Variants in G6PC2 observed in about 807,000 individuals in gnomAD.
The protein encoded by G6PC2 is glucose-6-phosphatase catalytic subunit 2, also known as glucose-6-phosphatase 2.
G6PC2 carries 41 observed loss-of-function variants against 35.4 expected under a neutral mutation model. The observed-to-expected ratio is 1.16, with a 90% CI of 0.90 to 1.50. The LOEUF (loss-of-function observed/expected upper bound fraction) is 1.50. G6PC2 is among the 40% of genes most tolerant of loss of function. G6PC2 has a pLI of 0.00. For synonymous variants in G6PC2, 165 were observed against 153.2 expected (o/e 1.08, Z -0.57); for missense variants, 441 against 426.5 (o/e 1.03, Z -0.30).
At chr2:168,903,601 GACA>G (rs1690648238) in intron 2 of G6PC2, among the ~76,000 whole-genome samples, 1 of 151,916 alleles carries the variant, frequency 6.6e-6, no homozygotes, top group African/African-American at 2.4e-5. Flanking sequence ...CACCTTATAA[GACA>G]TTTTCTGGAA....
chr2:168,901,683 C>A, intron 1 of G6PC2, 134 bp downstream of exon 1: 1 of 657,836 alleles, frequency 1.5e-6, no homozygotes, highest in East Asian at 2.7e-5. Flanking sequence ...ACTTGAAACA[C>A]CAGATTCATA....
intron 1 of G6PC2, 134 bp downstream of exon 1, chr2:168,901,683 C>T (rs1421059360): frequency 6.1e-6 from 4 of 657,758 alleles, no homozygotes; most frequent in African/African-American, 1.8e-5. Context: ...ACTTGAAACA[C>T]CAGATTCATA....
At chr2:168,905,406 A>G (rs1360377129) in intron 3 of G6PC2, among the ~76,000 whole-genome samples, 1 of 152,204 alleles carries the variant, frequency 6.6e-6, no homozygotes, top group East Asian at 1.9e-4. Flanking sequence ...GTCAAGATCT[A>G]TCACATATTC....
rs1026774674 is a variant in G6PC2 at position 168,906,534 on chromosome 2, A to G, written c.441-130A>G. 12 of 693,716 alleles carry G rather than the reference A, an allele frequency of 1.7e-5. No homozygotes were observed. In the Admixed American group the frequency reaches 2.6e-4, roughly 15 times the overall value. 43.0% of individuals were successfully genotyped at this position (693,716 alleles called of 1,614,324 possible). On this transcript the variant is annotated intron_variant, in intron 3 of 4. Transcript: ENST00000375363. ...TGGAAACAACATTTTGAAAAAAAAG[A>G]TTCTAGAATCATGATGCTATGTCAC...
At chr2:168,902,906 C>T (rs963444532) in intron 2 of G6PC2, 1 of 320,026 alleles carries the variant, frequency 3.1e-6, no homozygotes, top group Non-Finnish European at 5.9e-6. Flanking sequence ...GTTGGTTAAT[C>T]TGCTGCTAAG....
chr2:168,907,747 C>A lies in G6PC2; in HGVS notation c.736C>A (p.Pro246Thr). The A allele has an allele frequency of 3.7e-6, 6 of 1,614,068 alleles. No homozygotes were observed. The highest frequency in any genetic ancestry group is 5.1e-6 in the Non-Finnish European group (6 of 1,179,966). Residue 246 changes from proline to threonine, a missense_variant, in exon 5 of 5, where the codon CCC becomes ACC. Coordinates refer to ENST00000375363, the MANE Select transcript of G6PC2 (RefSeq NM_021176.3). Reference protein sequence around the residue: ...VPIAKKWCANPDWIHIDTTPF... With the variant: ...VPIAKKWCANTDWIHIDTTPF... ...CATAGCCAAAAAGTGGTGTGCTAAC[C>A]CCGACTGGATCCACATTGACACCAC...
intron 2 of G6PC2, among the ~76,000 whole-genome samples, chr2:168,903,911 A>G (rs1296234231): frequency 2.0e-5 from 3 of 152,106 alleles, no homozygotes; most frequent in African/African-American, 7.2e-5. Flanking sequence ...TCTGTTTTAA[A>G]ACAAAGATTC....
intron 1 of G6PC2, among the ~76,000 whole-genome samples, 198 bp from the exon 2 acceptor site, chr2:168,902,247 C>T (rs376750681): frequency 8.5e-5 from 13 of 152,224 alleles, no homozygotes; most frequent in Admixed American, 3.3e-4. Flanking sequence ...AACCAGGGTG[C>T]CAAAATACCA....
At chr2:168,904,017 T>G (rs551682068) in intron 2 of G6PC2, among the ~76,000 whole-genome samples, 1 of 152,196 alleles carries the variant, frequency 6.6e-6, no homozygotes, top group South Asian at 2.1e-4. Flanking sequence ...AGCAATGATA[T>G]CCTTTAGAGT....
chr2:168,902,313 T>A (rs369788060), intron 1 of G6PC2, 132 bp from the exon 2 acceptor site: 1 of 644,586 alleles, frequency 1.6e-6, no homozygotes, highest in East Asian at 2.7e-5. Context: ...TTTTTCAAAG[T>A]CTCTTAATCA....
chr2:168,907,859 G>A lies in G6PC2; in HGVS notation c.848G>A (p.Arg283Gln), dbSNP rs781489778. The A allele has an allele frequency of 9.3e-6, 15 of 1,613,826 alleles. No homozygotes were observed. Among genetic ancestry groups the A allele is most frequent in the East Asian group, 8.9e-5 (4 of 44,878 alleles). ...INSEMFLLSCRGGNNYTLSFR... is the reference protein window; with the variant it reads ...INSEMFLLSCQGGNNYTLSFR... ...TCAGAGATGTTCCTCCTGAGCTGCC[G>A]AGGGGGAAATAACTACACACTGAGC... The change falls in exon 5 of 5, where the codon CGA becomes CAA. Residue 283 changes from arginine (R) to glutamine (Q), a missense_variant. Transcript: ENST00000375363.
rs1690795672 is a variant in G6PC2 at position 168,909,188 on chromosome 2, C to A, written c.*1109C>A. 6.6e-6 allele frequency: 1 copy of A among 152,066 alleles called. No individual in the cohort carries two copies. Among genetic ancestry groups the A allele is most frequent in the East Asian group, 1.9e-4 (1 of 5,192 alleles). The allele number at this position is 152,066 out of a possible 1,614,324, so 9.4% of individuals were successfully genotyped here. On this transcript the variant is annotated 3_prime_UTR_variant, in exon 5 of 5. Transcript: ENST00000375363. ...CATACATGCAGGGTCTAGGTGGGAC[C>A]AACAGTGGCTCCAGATGTATATACA...
Position 168,901,432 on chromosome 2 carries a change from ACC to A in G6PC2, c.104_105del (p.Pro35GlnfsTer15), listed in dbSNP as rs776242682. 6.3e-7 allele frequency: 1 copy of A among 1,594,218 alleles called. No individual in the cohort carries two copies. The highest frequency in any genetic ancestry group is 1.3e-5 in the African/African-American group (1 of 74,646). On this transcript the variant is annotated frameshift_variant, in exon 1 of 5. Coordinates refer to ENST00000375363, the MANE Select transcript of G6PC2 (RefSeq NM_021176.3). LOFTEE classifies it high-confidence loss of function. ...CTAAATTTTATGTCCAATGTTGGAG[ACC>A]CCAGGAATATCTTTTTCATTTATTT... is the stretch of plus-strand genomic sequence containing the variant.
Position 168,901,563 on chromosome 2 carries a change from T to C in G6PC2, c.218+14T>C. The C allele has an allele frequency of 7.9e-7, 1 of 1,259,602 alleles. No homozygotes were observed. The highest frequency in any genetic ancestry group is 1.2e-6 in the Non-Finnish European group (1 of 861,094). 78.0% of individuals were successfully genotyped at this position (1,259,602 alleles called of 1,614,324 possible). ...TATATTTAAATGGTAAGATTTCTGT[T>C]TTATTTCATTTTTTCCTAAGATTTA... On this transcript the variant is annotated intron_variant, in intron 1 of 4. Transcript: ENST00000375363.
In G6PC2 at chr2:168,908,000, C is replaced by G; in HGVS notation, c.989C>G (p.Ser330Cys). Residue 330 changes from serine (S) to cysteine (C), a missense_variant, in exon 5 of 5, where the codon TCC becomes TGC. Ser to Cys is a moderately radical substitution (Grantham distance 112). Transcript: ENST00000375363. Reference protein sequence around the residue: ...FYVLSFCKSASIPLTVVAFIP... With the variant: ...FYVLSFCKSACIPLTVVAFIP... ...GTGCTGTCTTTTTGTAAAAGTGCAT[C>G]CATTCCCCTAACTGTGGTTGCTTTC... The G allele has an allele frequency of 6.2e-7, 1 of 1,612,466 alleles. No homozygotes were observed. The highest frequency in any genetic ancestry group is 8.5e-7 in the Non-Finnish European group (1 of 1,178,526).
At position 168,907,923 on chromosome 2, in the gene G6PC2, G is replaced by A. The variant is rs925382715; in HGVS notation, c.912G>A (p.Leu304=). Residue 304 remains leucine, a synonymous_variant, in exon 5 of 5, where the codon CTG becomes CTA. Coordinates refer to ENST00000375363, the MANE Select transcript of G6PC2 (RefSeq NM_021176.3). ...GTGCCTTGACCTCATTGACAATACT[G>A]CAGCTCTACCATTTCCTCCAGATCC... ...LLCALTSLTI[L]QLYHFLQIPT... The A allele has an allele frequency of 1.9e-6, 3 of 1,613,934 alleles. No individual in the cohort carries two copies. The highest frequency in any genetic ancestry group is 2.5e-6 in the Non-Finnish European group (3 of 1,179,938).
rs1265148538 is a variant in G6PC2 at position 168,909,991 on chromosome 2, C to T, written c.*1912C>T. On this transcript the variant is annotated 3_prime_UTR_variant, in exon 5 of 5. Transcript: ENST00000375363. ...CTTTCTAAAAGGTAAATAAACTGAA[C>T]TTGATATTAGTGGTTCGGTGATTCC... 1.3e-5 allele frequency: 2 copies of T among 152,126 alleles called. No homozygotes were observed. The highest frequency in any genetic ancestry group is 6.5e-5 in the Admixed American group (1 of 15,282). 9.4% of individuals were successfully genotyped at this position (152,126 alleles called of 1,614,324 possible).
Position 168,906,804 on chromosome 2 carries a change from C to T in G6PC2, c.556+25C>T, listed in dbSNP as rs367627743. ...GGTAAATATGATCACTTACCTTTAG[C>T]TGTGTCCTTTGAAAGCTTTAGTTTC... On this transcript the variant is annotated intron_variant, in intron 4 of 4. Transcript: ENST00000375363. The T allele has an allele frequency of 1.1e-4, 120 of 1,084,724 alleles. No individual in the cohort carries two copies. In the African/African-American group the frequency reaches 1.5e-3, roughly 14 times the overall value. 67.2% of individuals were successfully genotyped at this position (1,084,724 alleles called of 1,614,324 possible).
intron 2 of G6PC2, 116 bp downstream of exon 2, chr2:168,902,670 A>T: frequency 1.4e-6 from 1 of 717,846 alleles, no homozygotes; most frequent in South Asian, 1.5e-5. Flanking sequence ...CTCATGAGTG[A>T]GGATGCTAAA....
Sources: allele counts gnomAD v4.1 joint callset (sites outside exome capture counted in the v4.1 genomes callset), GRCh38; gene constraint gnomAD v4.1.1; transcripts MANE v1.5; gene names NCBI Gene and HGNC (gene_info 2026-07-23, HGNC 2026-07-21).